Variants in FGF12 observed in about 807,000 individuals in gnomAD.
FGF12 encodes the protein fibroblast growth factor 12B.
A neutral mutation model predicts 23.6 loss-of-function variants in FGF12; 14 were observed. The observed-to-expected ratio is 0.59, with a 90% CI of 0.39 to 0.93. The LOEUF (loss-of-function observed/expected upper bound fraction) is 0.93. FGF12 is among the 40% of genes least tolerant of loss of function. The probability of loss-of-function intolerance (pLI) is 0.00; values close to 1 mark genes in which losing one functional copy is unlikely to be tolerated. For synonymous variants in FGF12, 62 were observed against 77.3 expected, an observed-to-expected ratio of 0.80 and a Z score of 1.04; for missense variants, 175 against 217.8, an observed-to-expected ratio of 0.80 and a Z score of 1.24.
intron 2 of FGF12, among the ~76,000 whole-genome samples, chr3:192,410,184 G>A (rs1721152203): frequency 6.6e-6 from 1 of 152,214 alleles, no homozygotes; most frequent in Non-Finnish European, 1.5e-5. Flanking sequence ...CGGGCCCCTG[G>A]AGCGCTGGGA....
At chr3:192,718,252 A>G (rs1412910505) in intron 2 of FGF12, among the ~76,000 whole-genome samples, 2 of 146,444 alleles carry the variant, frequency 1.4e-5, no homozygotes, top group Non-Finnish European at 3.0e-5. Context: ...AACTTCACAT[A>G]TGACTGTTGT....
At chr3:192,208,325 G>A (rs186530953) in intron 4 of FGF12, among the ~76,000 whole-genome samples, 9 of 152,324 alleles carry the variant, frequency 5.9e-5, no homozygotes, top group Admixed American at 3.3e-4. Flanking sequence ...TCAAAACACT[G>A]TAGGGAGTGT....
chr3:192,714,226 T>G (rs921589817), intron 2 of FGF12, among the ~76,000 whole-genome samples: 4 of 152,144 alleles, frequency 2.6e-5, no homozygotes, highest in African/African-American at 9.7e-5. Flanking sequence ...TGTCTTTGGC[T>G]AGGAATTAGG....
chr3:192,275,272 C>A (rs1413344738), intron 4 of FGF12, among the ~76,000 whole-genome samples: 2 of 151,376 alleles, frequency 1.3e-5, no homozygotes, highest in Non-Finnish European at 3.0e-5. Flanking sequence ...TCAGGAGAGA[C>A]TCACATCCCC....
At chr3:192,330,807 T>G (rs1039262037) in intron 4 of FGF12, among the ~76,000 whole-genome samples, 5 of 152,242 alleles carry the variant, frequency 3.3e-5, no homozygotes, top group South Asian at 4.1e-4. Flanking sequence ...AACTATATCT[T>G]GGATATGACA....
At position 192,403,782 on chromosome 3, in the gene FGF12, T is replaced by G. The variant is rs370330145; in HGVS notation, c.14-43244A>C. On this transcript the variant is annotated intron_variant, in intron 2 of 5. Transcript: ENST00000445105. ...CACATGATTAAACATTATTTCACCT[T>G]TACTGTCAACTTTCTTCTTGAAGTT... Among the ~76,000 whole-genome samples the G allele has an allele frequency of 3.9e-5, 6 of 152,252 alleles. No homozygotes were observed. The East Asian group carries it at 7.7e-4, about 20-fold the overall frequency.
intron 2 of FGF12, among the ~76,000 whole-genome samples, chr3:192,490,127 GT>G (rs879777818): frequency 1.3e-5 from 2 of 151,992 alleles, no homozygotes; most frequent in Non-Finnish European, 1.5e-5. Flanking sequence ...TGATACAGTG[GT>G]TTTTTTAGTA....
intron 2 of FGF12, among the ~76,000 whole-genome samples, chr3:192,450,004 T>C (rs1393923225): frequency 6.6e-6 from 1 of 152,240 alleles, no homozygotes; most frequent in African/African-American, 2.4e-5. Context: ...ATTCTTATAT[T>C]AAACTCTCAC....
intron 4 of FGF12, among the ~76,000 whole-genome samples, chr3:192,314,063 A>G (rs905956771): frequency 1.3e-5 from 2 of 152,150 alleles, no homozygotes; most frequent in African/African-American, 4.8e-5. Context: ...ACGTGAGTGC[A>G]CAGCAAGAAG....
chr3:192,204,194 C>A lies in FGF12; in HGVS notation c.229-33538G>T, dbSNP rs569130771. Among the ~76,000 whole-genome samples the A allele has an allele frequency of 5.9e-5, 9 of 152,258 alleles. No homozygotes were observed. The South Asian group carries it at 1.9e-3, about 32-fold the overall frequency. ...ATCTAATCCATGTCTTTTAGCCCCACACACGGCAGATCTGAGCAAAAAGAT... is the reference window on the plus strand; with the variant it reads ...ATCTAATCCATGTCTTTTAGCCCCAAACACGGCAGATCTGAGCAAAAAGAT... On this transcript the variant is annotated intron_variant, in intron 4 of 5. Coordinates refer to ENST00000445105, the MANE Select transcript of FGF12 (RefSeq NM_004113.6).
At chr3:192,359,428 C>T (rs4687326) in intron 3 of FGF12, among the ~76,000 whole-genome samples, 31,814 of 152,090 alleles carry the variant, frequency 0.21, 3,540 homozygotes, top group Admixed American at 0.29. Context: ...CACAAAATTA[C>T]ATCCATCAGA....
intron 4 of FGF12, among the ~76,000 whole-genome samples, chr3:192,287,407 T>G (rs1402789794): frequency 6.6e-6 from 1 of 152,112 alleles, no homozygotes; most frequent in Non-Finnish European, 1.5e-5. Flanking sequence ...CATATACCTT[T>G]ATTCAGCAGT....
intron 4 of FGF12, among the ~76,000 whole-genome samples, chr3:192,298,455 A>C (rs1715163297): frequency 6.6e-6 from 1 of 152,210 alleles, no homozygotes; most frequent in African/African-American, 2.4e-5. Context: ...TTATTTTAAA[A>C]ATAGGTTTAT....
At chr3:192,693,630 A>C (rs76038852) in intron 2 of FGF12, among the ~76,000 whole-genome samples, 7,787 of 152,202 alleles carry the variant, frequency 0.051, 352 homozygotes, top group East Asian at 0.2. Context: ...TAATTTCTGA[A>C]AGGGGAAGAA....
chr3:192,414,015 C>T (rs1012007179), intron 2 of FGF12, among the ~76,000 whole-genome samples: 6 of 152,070 alleles, frequency 3.9e-5, no homozygotes, highest in South Asian at 4.2e-4. Flanking sequence ...TTCAACAATT[C>T]GACAACTGAA....
At chr3:192,562,103 C>T (rs9840451) in intron 2 of FGF12, among the ~76,000 whole-genome samples, 89,206 of 151,990 alleles carry the variant, frequency 0.59, 26,558 homozygotes, top group South Asian at 0.69. Flanking sequence ...TACACAACAA[C>T]ATGATGGATC....
intron 2 of FGF12, among the ~76,000 whole-genome samples, chr3:192,651,952 A>AT: frequency 2.6e-5 from 4 of 152,282 alleles, no homozygotes; most frequent in Admixed American, 2.6e-4. Context: ...CTCCAGTCAT[A>AT]TTATTCATGC....
chr3:192,677,066 T>G (rs1169141260), intron 2 of FGF12, among the ~76,000 whole-genome samples: 1 of 152,242 alleles, frequency 6.6e-6, no homozygotes, highest in African/African-American at 2.4e-5. Flanking sequence ...TTGCTCACCC[T>G]GTAGTGACTG....
At chr3:192,155,038 C>G (rs2108593345) in intron 5 of FGF12, among the ~76,000 whole-genome samples, 1 of 149,222 alleles carries the variant, frequency 6.7e-6, no homozygotes, top group Middle Eastern at 3.5e-3. Context: ...TTAAGCCGGT[C>G]TGAAAAGCGC....
Sources: allele counts gnomAD v4.1 joint callset (sites outside exome capture counted in the v4.1 genomes callset), GRCh38; gene constraint gnomAD v4.1.1; transcripts MANE v1.5; gene names NCBI Gene and HGNC (gene_info 2026-07-23, HGNC 2026-07-21).